The following EPHA6 variants were observed in gnomAD, a reference collection of about 807,000 sequenced individuals.
EPHA6 encodes the protein EPH receptor A6.
EPHA6 carries 50 observed loss-of-function variants against 112.0 expected under a neutral mutation model. That is an observed-to-expected ratio of 0.45 (90% confidence interval 0.36 to 0.56). The LOEUF (loss-of-function observed/expected upper bound fraction) is 0.56. Ranked by LOEUF, EPHA6 falls within the 20% of genes least tolerant of loss-of-function variation. EPHA6 has a pLI of 0.00. For synonymous variants in EPHA6, 529 were observed against 490.7 expected, an observed-to-expected ratio of 1.08 and a Z score of -1.03; for missense variants, 1,280 against 1,417.4, an observed-to-expected ratio of 0.90 and a Z score of 1.56.
In EPHA6 at chr3:97,570,012, C is replaced by A. The variant is rs745600810; in HGVS notation, c.2387-22600C>A. On this transcript the variant is annotated intron_variant, in intron 11 of 17. Transcript: ENST00000389672. ...ATTTTACCTAAAAACAAATTTCTCA[C>A]GTGTAGAATCGACTCACACTGTTGC... The A allele has an allele frequency of 3.9e-5, 6 of 152,118 alleles. No homozygotes were observed. The South Asian group carries it at 1.0e-3, about 26-fold the overall frequency. The allele number at this position is 152,118 out of a possible 1,614,324, so 9.4% of individuals were successfully genotyped here. A position where few individuals can be genotyped will look rare whatever the true frequency, so the allele number is the denominator to read the frequency against.
chr3:97,331,501 G>A (rs367575969), intron 5 of EPHA6, among the ~76,000 whole-genome samples: 2 of 152,038 alleles, frequency 1.3e-5, no homozygotes, highest in Non-Finnish European at 1.5e-5. Flanking sequence ...TAGACCGCTA[G>A]CAAGACTAAT....
chr3:97,638,622 C>T (rs1000726233), intron 14 of EPHA6, among the ~76,000 whole-genome samples: 2 of 152,124 alleles, frequency 1.3e-5, no homozygotes, highest in Non-Finnish European at 2.9e-5. Context: ...AAATTTAAAA[C>T]TTTAGAACCA....
chr3:96,820,300 T>C (rs1186585278), intron 1 of EPHA6, among the ~76,000 whole-genome samples: 2 of 151,944 alleles, frequency 1.3e-5, no homozygotes, highest in African/African-American at 2.4e-5. Context: ...TTTTGACCAG[T>C]TGAGTAAAAT....
At chr3:97,572,064 A>G (rs925445167) in intron 11 of EPHA6, among the ~76,000 whole-genome samples, 1 of 151,896 alleles carries the variant, frequency 6.6e-6, no homozygotes, top group Non-Finnish European at 1.5e-5. Flanking sequence ...CAATTTATCT[A>G]TCTAAAGTAG....
At chr3:96,934,808 CTGAAGGACAATCAATCCTAAATA>C (rs1033916084) in intron 2 of EPHA6, among the ~76,000 whole-genome samples, 29 of 151,126 alleles carry the variant, frequency 1.9e-4, no homozygotes, top group African/African-American at 6.6e-4. Context: ...TGTCCTTTTC[CTGAAGGACAATCAATCCTAAATA>C]TGAAAATAGA....
chr3:96,894,210 T>TA (rs2038138695), intron 2 of EPHA6, among the ~76,000 whole-genome samples: 1 of 152,190 alleles, frequency 6.6e-6, no homozygotes, highest in African/African-American at 2.4e-5. Flanking sequence ...GCCAATGTGT[T>TA]ACAAGAACAA....
chr3:96,888,101 G>A (rs2037739743), intron 2 of EPHA6, among the ~76,000 whole-genome samples: 1 of 151,990 alleles, frequency 6.6e-6, no homozygotes, highest in Non-Finnish European at 1.5e-5. Context: ...CCCAAGTTCT[G>A]GCCAGGAAGC....
chr3:96,919,260 C>A (rs1408261488), intron 2 of EPHA6, among the ~76,000 whole-genome samples: 6 of 151,526 alleles, frequency 4.0e-5, no homozygotes, highest in Non-Finnish European at 8.9e-5. Context: ...ACACTGAAAA[C>A]CAAGGAAAAT....
In EPHA6 at chr3:97,054,163, A is replaced by AACAC. The variant is rs138411869; in HGVS notation, c.1114+66200_1114+66203dup. Among the ~76,000 whole-genome samples, 1,050 of 145,632 alleles carry AACAC rather than the reference A, an allele frequency of 7.2e-3. 3 individuals carry two copies. Among genetic ancestry groups the AACAC allele is most frequent in the Non-Finnish European group, 0.01 (668 of 65,080 alleles). ...GCAGCAGATTCTGACATAACTATCT[A>AACAC]ACACACACACACACACACACACACA... On this transcript the variant is annotated intron_variant, in intron 3 of 17. Transcript: ENST00000389672.
intron 11 of EPHA6, among the ~76,000 whole-genome samples, chr3:97,552,282 T>G (rs902935553): frequency 1.8e-4 from 27 of 152,230 alleles, no homozygotes; most frequent in Admixed American, 5.9e-4. Context: ...TGGTGTAGTC[T>G]CCATATCTTT....
intron 3 of EPHA6, among the ~76,000 whole-genome samples, chr3:97,194,833 T>A (rs1178427375): frequency 6.6e-6 from 1 of 152,084 alleles, no homozygotes; most frequent in Non-Finnish European, 1.5e-5. Context: ...TCTTTGTTCT[T>A]TTCATAGCCT....
intron 5 of EPHA6, among the ~76,000 whole-genome samples, chr3:97,285,109 C>G (rs973089710): frequency 6.6e-6 from 1 of 152,044 alleles, no homozygotes; most frequent in Admixed American, 6.5e-5. Flanking sequence ...AGTGAAATTT[C>G]AAATACCACG....
At position 97,479,500 on chromosome 3, in the gene EPHA6, A is replaced by G. The variant is rs191727640; in HGVS notation, c.2074+136A>G. Reference sequence around the variant, plus strand: ...CAACCTTTCAGCATTAAGAATTTTCATCTGGTTTCCAGGTTTGTTGGTGAA... The same window carrying G: ...CAACCTTTCAGCATTAAGAATTTTCGTCTGGTTTCCAGGTTTGTTGGTGAA... On this transcript the variant is annotated intron_variant, in intron 9 of 17. Coordinates refer to ENST00000389672, the MANE Select transcript of EPHA6 (RefSeq NM_001080448.3). 521 of 509,744 alleles carry G rather than the reference A, an allele frequency of 1.0e-3. 5 individuals are homozygous for G. The highest frequency in any genetic ancestry group is 9.7e-3 in the African/African-American group (494 of 50,912). 31.6% of individuals were successfully genotyped at this position (509,744 alleles called of 1,614,324 possible).
At chr3:97,551,849 G>A (rs1422157700) in intron 11 of EPHA6, among the ~76,000 whole-genome samples, 2 of 152,112 alleles carry the variant, frequency 1.3e-5, no homozygotes, top group East Asian at 1.9e-4. Context: ...GTCTGGAAAG[G>A]AAATACAAAG....
intron 10 of EPHA6, among the ~76,000 whole-genome samples, chr3:97,508,746 T>A (rs917562057): frequency 9.2e-5 from 14 of 152,118 alleles, no homozygotes; most frequent in Non-Finnish European, 1.9e-4. Context: ...TGTCTAACAT[T>A]GACAGTGGGG....
chr3:97,300,741 C>T (rs2081060025), intron 5 of EPHA6, among the ~76,000 whole-genome samples: 1 of 151,822 alleles, frequency 6.6e-6, no homozygotes. Context: ...GCAAGAAGTC[C>T]AATATACTTG....
intron 5 of EPHA6, among the ~76,000 whole-genome samples, chr3:97,283,518 T>C (rs975815829): frequency 9.2e-5 from 14 of 152,138 alleles, no homozygotes; most frequent in African/African-American, 3.4e-4. Flanking sequence ...TTGATTATAA[T>C]ATTAAATGAA....
intron 11 of EPHA6, among the ~76,000 whole-genome samples, chr3:97,556,116 C>A (rs1242810697): frequency 6.6e-6 from 1 of 152,016 alleles, no homozygotes; most frequent in African/African-American, 2.4e-5. Flanking sequence ...AATTATCCAA[C>A]CTTAAACCTA....
At chr3:97,004,584 G>T (rs541657916) in intron 3 of EPHA6, among the ~76,000 whole-genome samples, 1 of 152,132 alleles carries the variant, frequency 6.6e-6, no homozygotes, top group Non-Finnish European at 1.5e-5. Flanking sequence ...CTCCCATTCT[G>T]TAGGTTTCCC....
Sources: allele counts gnomAD v4.1 joint callset (sites outside exome capture counted in the v4.1 genomes callset), GRCh38; gene constraint gnomAD v4.1.1; transcripts MANE v1.5; gene names NCBI Gene and HGNC (gene_info 2026-07-23, HGNC 2026-07-21).